The following CALN1 variants were observed in gnomAD, a reference collection of about 807,000 sequenced individuals.
CALN1 encodes calneuron 1, also known as calcium-binding protein 8.
Under a neutral mutation model 30.6 loss-of-function variants are expected in CALN1, and 17 were observed. The ratio of observed to expected loss-of-function variants is 0.56; its 90% CI spans 0.38 to 0.83. CALN1 has a LOEUF of 0.83. Ranked by LOEUF, CALN1 falls within the 40% of genes least tolerant of loss-of-function variation. The probability of loss-of-function intolerance (pLI) is 0.00; values close to 1 mark genes in which losing one functional copy is unlikely to be tolerated. For missense variants in CALN1, 291 were observed against 354.9 expected (o/e 0.82, Z 1.45); for synonymous variants, 156 against 131.4 (o/e 1.19, Z -1.28).
intron 2 of CALN1, among the ~76,000 whole-genome samples, chr7:72,338,160 GCCC>G (rs1057048187): frequency 2.0e-5 from 3 of 152,112 alleles, no homozygotes; most frequent in Non-Finnish European, 1.5e-5. Context: ...CCTTTCTGCT[GCCC>G]CCAAGGTTGT....
chr7:72,285,523 G>A (rs1293981356), intron 2 of CALN1, among the ~76,000 whole-genome samples: 3 of 152,280 alleles, frequency 2.0e-5, no homozygotes, highest in Admixed American at 6.5e-5. Flanking sequence ...GATTACAGGC[G>A]TGAACCACAG....
chr7:71,874,136 G>A (rs191209602), intron 5 of CALN1, among the ~76,000 whole-genome samples: 11 of 151,926 alleles, frequency 7.2e-5, no homozygotes, highest in African/African-American at 1.2e-4. Flanking sequence ...TTAGCTGGGC[G>A]TGGTGGTGGG....
intron 4 of CALN1, among the ~76,000 whole-genome samples, chr7:72,040,704 G>A (rs1802072337): frequency 6.6e-6 from 1 of 152,118 alleles, no homozygotes; most frequent in South Asian, 2.1e-4. Flanking sequence ...CTGATAAAAC[G>A]TGGCCATGTG....
chr7:71,861,273 TGA>T (rs2116662109), intron 5 of CALN1, among the ~76,000 whole-genome samples: 1 of 152,204 alleles, frequency 6.6e-6, no homozygotes, highest in African/African-American at 2.4e-5. Context: ...GGCACCAAAC[TGA>T]GTGTGCAAAA....
At chr7:72,058,308 A>ATTTTTTTT (rs1563019395) in intron 4 of CALN1, among the ~76,000 whole-genome samples, 21 of 92,124 alleles carry the variant, frequency 2.3e-4, no homozygotes, top group Non-Finnish European at 3.6e-4. Context: ...ACAAGCTGGA[A>ATTTTTTTT]TCTTTTTTTT....
chr7:72,292,541 T>G (rs563774725), intron 2 of CALN1, among the ~76,000 whole-genome samples: 1 of 150,826 alleles, frequency 6.6e-6, no homozygotes, highest in Non-Finnish European at 1.5e-5. Flanking sequence ...CAACATATAG[T>G]CAGGTGCAGT....
rs549079139 is a variant in CALN1, at chr7:72,044,599, C to CTTTTTTTTTTTTT, written c.389-20843_389-20831dup. Among the ~76,000 whole-genome samples the CTTTTTTTTTTTTT allele has an allele frequency of 2.9e-4, 28 of 96,690 alleles. 1 individual carries two copies. The highest frequency in any genetic ancestry group is 1.1e-3 in the African/African-American group (27 of 24,468). 63.4% of individuals were successfully genotyped at this position (96,690 alleles called of 152,430 possible). Reference sequence around the variant, plus strand: ...TTCAGAGAATAATTTCCGCTTAAAACTTTTTTTTTTTTTTTTTTTTTTTTT... The same window carrying CTTTTTTTTTTTTT: ...TTCAGAGAATAATTTCCGCTTAAAACTTTTTTTTTTTTTTTTTTTTTTTTTTTTTTTTTTTTTT... On this transcript the variant is annotated intron_variant, in intron 4 of 6. Transcript: ENST00000395275.
At chr7:72,359,707 G>A (rs1803445737) in intron 2 of CALN1, among the ~76,000 whole-genome samples, 1 of 152,076 alleles carries the variant, frequency 6.6e-6, no homozygotes, top group Non-Finnish European at 1.5e-5. Context: ...CGGGAAAGAT[G>A]GCTCACGCCT....
chr7:71,928,331 T>TG (rs1332100156), intron 5 of CALN1, among the ~76,000 whole-genome samples: 1 of 152,140 alleles, frequency 6.6e-6, no homozygotes, highest in Non-Finnish European at 1.5e-5. Flanking sequence ...TTCCCATAGA[T>TG]GACTCAATGG....
At chr7:72,228,786 A>G (rs1188641013) in intron 3 of CALN1, among the ~76,000 whole-genome samples, 1 of 150,854 alleles carries the variant, frequency 6.6e-6, no homozygotes, top group East Asian at 1.9e-4. Flanking sequence ...TATTGAGACA[A>G]GGTCTTGCTC....
rs564045355 is a variant in CALN1, at chr7:72,360,606, A to AT, written c.119+42644dup. ...AATACTGTAACACTTTTTCTTTTCT[A>AT]TTTTTTTTTTATTATACTTTAAGTT... On this transcript the variant is annotated intron_variant, in intron 2 of 6. Coordinates refer to ENST00000395275, the MANE Select transcript of CALN1 (RefSeq NM_031468.4). 8.7e-3 allele frequency among the ~76,000 whole-genome samples: 1,269 copies of AT among 145,276 alleles called. 20 individuals are homozygous for AT. Among genetic ancestry groups the AT allele is most frequent in the African/African-American group, 0.029 (1,146 of 39,956 alleles).
chr7:72,205,336 G>A (rs1045034781), intron 3 of CALN1, among the ~76,000 whole-genome samples: 2 of 151,228 alleles, frequency 1.3e-5, no homozygotes, highest in Admixed American at 6.6e-5. Context: ...TAGTAGCTGG[G>A]ATTACAGGCA....
intron 2 of CALN1, among the ~76,000 whole-genome samples, chr7:72,294,009 G>C (rs1303039760): frequency 6.6e-6 from 1 of 152,058 alleles, no homozygotes; most frequent in African/African-American, 2.4e-5. Context: ...GAGGCAGGAG[G>C]ATCACTTGAA....
intron 2 of CALN1, among the ~76,000 whole-genome samples, chr7:72,332,186 G>A (rs1801723352): frequency 6.6e-6 from 1 of 152,184 alleles, no homozygotes; most frequent in African/African-American, 2.4e-5. Context: ...TACAGCAGCA[G>A]CAGAGATACT....
chr7:72,087,085 G>A (rs1176481627), intron 4 of CALN1, among the ~76,000 whole-genome samples: 2 of 152,088 alleles, frequency 1.3e-5, no homozygotes, highest in East Asian at 3.8e-4. Flanking sequence ...GACAACAATC[G>A]ATGTAATTTT....
the CALN1 span, among the ~76,000 whole-genome samples, chr7:72,474,148 A>G: frequency 2.6e-4 from 39 of 152,180 alleles, no homozygotes; most frequent in Middle Eastern, 3.2e-3. Context: ...GAAAACATTC[A>G]TCAAGTTAAC....
chr7:71,951,172 T>G (rs1796670433), intron 5 of CALN1, among the ~76,000 whole-genome samples: 1 of 152,232 alleles, frequency 6.6e-6, no homozygotes, highest in South Asian at 2.1e-4. Context: ...ACAGCATAGC[T>G]GCCTCTAGGG....
At position 72,412,302 on chromosome 7, in the gene CALN1, A is replaced by T. The variant is rs1375395839; in HGVS notation, c.-318T>A. On this transcript the variant is annotated 5_prime_UTR_variant, in exon 1 of 7. Coordinates refer to ENST00000395275, the MANE Select transcript of CALN1 (RefSeq NM_031468.4). ...TTTATTAAGAAGCAGGAAAGAAAAA[A>T]ACACAAACTCAAGCGGATAGCACCC... 1 of 152,106 alleles carries T rather than the reference A, an allele frequency of 6.6e-6. No homozygotes were observed. The highest frequency in any genetic ancestry group is 1.5e-5 in the Non-Finnish European group (1 of 68,048). The allele number at this position is 152,106 out of a possible 1,614,324, so 9.4% of individuals were successfully genotyped here.
chr7:71,801,412 G>GTATCTATCTATC (rs1212649767), intron 6 of CALN1, among the ~76,000 whole-genome samples: 10 of 129,396 alleles, frequency 7.7e-5, no homozygotes, highest in Admixed American at 2.6e-4. Context: ...ATGTATGTAT[G>GTATCTATCTATC]TATGTATGTA....
Sources: gnomAD v4.1 joint callset for allele counts (sites outside exome capture counted in the v4.1 genomes callset) on GRCh38, gnomAD v4.1.1 for gene constraint, MANE v1.5 for transcripts, NCBI Gene and HGNC (gene_info 2026-07-23, HGNC 2026-07-21) for gene names.